The following CCDC62 variants were observed in gnomAD, a reference collection of about 807,000 sequenced individuals.
The protein encoded by CCDC62 is coiled-coil domain-containing protein 62.
In CCDC62, 72 loss-of-function variants were observed where a neutral mutation model predicts 80.8. The ratio of observed to expected loss-of-function variants is 0.89; its 90% CI spans 0.74 to 1.08. CCDC62 has a LOEUF of 1.08. Ranked by LOEUF, CCDC62 falls within the 50% of genes least tolerant of loss-of-function variation. The probability of loss-of-function intolerance (pLI) is 0.00; values close to 1 mark genes in which losing one functional copy is unlikely to be tolerated. For missense variants in CCDC62, 704 were observed against 809.4 expected (o/e 0.87, Z 1.58); for synonymous variants, 286 against 296.5 (o/e 0.96, Z 0.36).
At chr12:122,804,839 C>T (rs957649161) in intron 9 of CCDC62, among the ~76,000 whole-genome samples, 1 of 151,394 alleles carries the variant, frequency 6.6e-6, no homozygotes, top group Non-Finnish European at 1.5e-5. Context: ...CTCAGCCTCC[C>T]AGGTAGCCAA....
intron 6 of CCDC62, among the ~76,000 whole-genome samples, chr12:122,795,778 A>G (rs956571389): frequency 1.3e-5 from 2 of 152,188 alleles, no homozygotes; most frequent in Admixed American, 6.6e-5. Flanking sequence ...AAAGAGAACA[A>G]TGATACTAGT....
In CCDC62 at chr12:122,806,302, A is replaced by G. The variant is rs953424825; in HGVS notation, c.1851+7A>G. 8 of 1,601,604 alleles carry G rather than the reference A, an allele frequency of 5.0e-6. No individual in the cohort carries two copies. In the Admixed American group the frequency reaches 6.8e-5, roughly 14 times the overall value. The stretch of plus-strand genomic sequence containing the variant: ...ACCAGCATTCAATGAAAAGGTTCGT[A>G]TTTTGCTTAGACATCCCCAGCTTAC... On this transcript the variant is annotated splice_region_variant and intron_variant, in intron 10 of 12. Transcript: ENST00000253079.
At chr12:122,816,803 G>A (rs906958619) in intron 11 of CCDC62, among the ~76,000 whole-genome samples, 1 of 151,558 alleles carries the variant, frequency 6.6e-6, no homozygotes, top group Non-Finnish European at 1.5e-5. Flanking sequence ...CAATTTGGTG[G>A]TTTTTTTTAA....
At chr12:122,804,486 C>CA (rs1024063124) in intron 9 of CCDC62, among the ~76,000 whole-genome samples, 66 of 150,092 alleles carry the variant, frequency 4.4e-4, no homozygotes, top group Non-Finnish European at 5.9e-4. Context: ...GACTCGGTCT[C>CA]AAAAAAAAAG....
In CCDC62 at chr12:122,813,845, C is replaced by G. The variant is rs529270084; in HGVS notation, c.2001+426C>G. ...CTAATTTTTATATTTTTAGTAGAGA[C>G]AGGGTTTCACCATGTTGGCCAGGCT... is the stretch of plus-strand genomic sequence containing the variant. On this transcript the variant is annotated intron_variant, in intron 11 of 12. Transcript: ENST00000253079. Among the ~76,000 whole-genome samples, 6 of 152,076 alleles carry G rather than the reference C, an allele frequency of 3.9e-5. No homozygotes were observed. The East Asian group carries it at 1.2e-3, about 30-fold the overall frequency.
chr12:122,782,935 C>T (rs1274517417), intron 3 of CCDC62, among the ~76,000 whole-genome samples: 3 of 151,224 alleles, frequency 2.0e-5, no homozygotes, highest in East Asian at 2.1e-4. Context: ...GGTGAAACCC[C>T]GTCTCTACTA....
chr12:122,800,471 GA>G (rs1241215386), intron 8 of CCDC62, among the ~76,000 whole-genome samples: 1 of 146,630 alleles, frequency 6.8e-6, no homozygotes, highest in African/African-American at 2.5e-5. Flanking sequence ...TTGTCACCCA[GA>G]CTGGAGTGCC....
In CCDC62 at chr12:122,774,651, C is replaced by G; in HGVS notation, c.-20C>G. On this transcript the variant is annotated 5_prime_UTR_variant, in exon 1 of 13. Transcript: ENST00000253079. ...TGACGCCGCCCACACCGGGCTTCTCCGGGGGCGGAGGAAACACCTATGAAC... is the reference window on the plus strand; with the variant it reads ...TGACGCCGCCCACACCGGGCTTCTCGGGGGGCGGAGGAAACACCTATGAAC... The G allele has an allele frequency of 8.0e-7, 1 of 1,247,952 alleles. No individual in the cohort carries two copies. Among genetic ancestry groups the G allele is most frequent in the Non-Finnish European group, 1.0e-6 (1 of 987,150 alleles). The allele number at this position is 1,247,952 out of a possible 1,614,324, so 77.3% of individuals were successfully genotyped here.
At chr12:122,805,247 A>G (rs1593813928) in intron 9 of CCDC62, among the ~76,000 whole-genome samples, 1 of 75,318 alleles carries the variant, frequency 1.3e-5, no homozygotes, top group African/African-American at 5.0e-5. Flanking sequence ...CCTCCCTTTT[A>G]GATGATCCTA....
intron 7 of CCDC62, among the ~76,000 whole-genome samples, chr12:122,797,658 A>G (rs2031042432): frequency 6.6e-6 from 1 of 152,106 alleles, no homozygotes; most frequent in South Asian, 2.1e-4. Context: ...CTCCTGCCTC[A>G]GCCTCCCAAG....
chr12:122,821,090 C>T (rs772586677), intron 11 of CCDC62, among the ~76,000 whole-genome samples: 1 of 152,070 alleles, frequency 6.6e-6, no homozygotes, highest in Non-Finnish European at 1.5e-5. Flanking sequence ...CTTCATTCCT[C>T]CCCCTTACCT....
rs374508446 is a variant in CCDC62, at chr12:122,777,542, C to T, written c.88C>T (p.Leu30=). The change falls in exon 2 of 13, where the codon CTG becomes TTG. Residue 30 remains leucine (L), a synonymous_variant. Transcript: ENST00000253079. ...ISTIEKQRKE[L]QLLIGELKDR... is the part of the protein sequence containing the mutation. ...CACTATCGAGAAACAACGGAAGGAG[C>T]TGCAGTTGCTCATTGGAGAATTAAA... The T allele has an allele frequency of 1.4e-4, 221 of 1,614,148 alleles. 1 individual carries two copies. The highest frequency in any genetic ancestry group is 1.7e-4 in the Non-Finnish European group (205 of 1,180,004).
chr12:122,801,174 T>C lies in CCDC62; in HGVS notation c.1028T>C (p.Ile343Thr). The C allele has an allele frequency of 6.2e-7, 1 of 1,613,772 alleles. No individual in the cohort carries two copies. The highest frequency in any genetic ancestry group is 1.1e-5 in the South Asian group (1 of 91,020). ...DLENNHPKVD[I>T]KREKNQKSLF... ...GAAAATAACCACCCAAAAGTCGATA[T>C]TAAGAGGGAAAAAAATCAGAAGTCA... is the stretch of plus-strand genomic sequence containing the variant. Residue 343 changes from isoleucine to threonine, a missense_variant, in exon 9 of 13, where the codon ATT becomes ACT. Coordinates refer to ENST00000253079, the MANE Select transcript of CCDC62 (RefSeq NM_201435.5).
intron 11 of CCDC62, among the ~76,000 whole-genome samples, chr12:122,818,939 TCA>T (rs1014818922): frequency 5.3e-5 from 8 of 152,166 alleles, no homozygotes; most frequent in African/African-American, 1.9e-4. Flanking sequence ...TATATTTTTT[TCA>T]GAGTGTTTGA....
chr12:122,805,912 C>G (rs2031573617), intron 9 of CCDC62, among the ~76,000 whole-genome samples: 1 of 152,108 alleles, frequency 6.6e-6, no homozygotes, highest in African/African-American at 2.4e-5. Context: ...ATCAGCCTCC[C>G]AAAGTGCTGG....
At chr12:122,779,860 A>G (rs1879716631) in intron 2 of CCDC62, among the ~76,000 whole-genome samples, 1 of 141,844 alleles carries the variant, frequency 7.1e-6, no homozygotes, top group South Asian at 2.2e-4. Flanking sequence ...GTGAGCTGAG[A>G]TCACACCACT....
chr12:122,816,706 C>T (rs2032179058), intron 11 of CCDC62, among the ~76,000 whole-genome samples: 1 of 152,162 alleles, frequency 6.6e-6, no homozygotes, highest in African/African-American at 2.4e-5. Flanking sequence ...GCATTCCAGC[C>T]TGGGTGACAG....
chr12:122,811,526 T>A (rs377482210), intron 10 of CCDC62, among the ~76,000 whole-genome samples: 1 of 142,146 alleles, frequency 7.0e-6, no homozygotes, highest in Non-Finnish European at 1.5e-5. Context: ...TAAGTTTTCT[T>A]AAAAAAAAAA....
In CCDC62 at chr12:122,792,084, A is replaced by G. The variant is rs747041118; in HGVS notation, c.735A>G (p.Gln245=). Residue 245 remains glutamine, a synonymous_variant, in exon 6 of 13, where the codon CAA becomes CAG. Transcript: ENST00000253079. ...GAGAAGAGATCATTCGCCTCAAGCAAGAGAAAAGTTGCCTGCACGATGAAT... is the reference window on the plus strand; with the variant it reads ...GAGAAGAGATCATTCGCCTCAAGCAGGAGAAAAGTTGCCTGCACGATGAAT... ...EQREEIIRLK[Q]EKSCLHDELL... 7 of 1,613,824 alleles carry G rather than the reference A, an allele frequency of 4.3e-6. No homozygotes were observed. Among genetic ancestry groups the G allele is most frequent in the Non-Finnish European group, 5.9e-6 (7 of 1,179,826 alleles).
Sources: gnomAD v4.1 joint callset for allele counts (sites outside exome capture counted in the v4.1 genomes callset) on GRCh38, gnomAD v4.1.1 for gene constraint, MANE v1.5 for transcripts, NCBI Gene and HGNC (gene_info 2026-07-23, HGNC 2026-07-21) for gene names.